Variants in RABEP1 observed in about 807,000 individuals in gnomAD.
RABEP1 encodes rab GTPase-binding effector protein 1.
Under a neutral mutation model 123.4 loss-of-function variants are expected in RABEP1, and 51 were observed. The ratio of observed to expected loss-of-function variants is 0.41; its 90% CI spans 0.33 to 0.52. The LOEUF is 0.52. RABEP1 is among the 20% of genes least tolerant of loss of function. The pLI, the probability that RABEP1 is intolerant of heterozygous loss-of-function variation, is 0.16. For missense variants in RABEP1, 888 were observed against 996.3 expected (o/e 0.89, Z 1.46); for synonymous variants, 347 against 355.2 (o/e 0.98, Z 0.26).
intron 3 of RABEP1, among the ~76,000 whole-genome samples, chr17:5,333,050 A>C (rs1906717084): frequency 6.6e-6 from 1 of 152,210 alleles, no homozygotes; most frequent in Non-Finnish European, 1.5e-5. Context: ...GTTTAGTCTC[A>C]GACTCCTTTT....
Position 5,380,450 on chromosome 17 carries a change from G to A in RABEP1, c.2358G>A (p.Glu786=). ...GTTTGGAAGAGCAGTTAAAGAAAGA[G>A]ACTGCTGCTAAGGTAGTGTTTTCAT... The part of the protein sequence containing the change: ...KISLEEQLKK[E]TAAKATVEQL... The change falls in exon 16 of 18, where the codon GAG becomes GAA. Residue 786 remains glutamate (E), a synonymous_variant. Coordinates refer to ENST00000537505, the MANE Select transcript of RABEP1 (RefSeq NM_004703.6). The A allele has an allele frequency of 6.5e-7, 1 of 1,546,542 alleles. No individual in the cohort carries two copies. The highest frequency in any genetic ancestry group is 8.8e-7 in the Non-Finnish European group (1 of 1,138,918).
rs199504288 is a variant in RABEP1 at position 5,380,378 on chromosome 17, A to T, written c.2286A>T (p.Leu762Phe). 7.6e-5 allele frequency: 119 copies of T among 1,567,904 alleles called. No homozygotes were observed. Among genetic ancestry groups the T allele is most frequent in the Non-Finnish European group, 9.4e-5 (109 of 1,154,864 alleles). The change falls in exon 16 of 18, where the codon TTA becomes TTT. Residue 762 changes from leucine (L) to phenylalanine (F), a missense_variant. Coordinates refer to ENST00000537505, the MANE Select transcript of RABEP1 (RefSeq NM_004703.6). ...CTTTTTCACAGTTGGAGTCCACATT[A>T]AGAGAGAAGTCTCAACAGCTTGAGA... The part of the protein sequence containing the change: ...KVEKGQLEST[L>F]REKSQQLESL...
At chr17:5,295,000 G>T (rs58002085) in intron 1 of RABEP1, among the ~76,000 whole-genome samples, 90,934 of 151,706 alleles carry the variant, frequency 0.6, 28,725 homozygotes, top group East Asian at 0.96. Flanking sequence ...AAAAAAAAAC[G>T]TAAAAATTTG....
At chr17:5,294,636 T>TG (rs2075064346) in intron 1 of RABEP1, among the ~76,000 whole-genome samples, 1 of 12,558 alleles carries the variant, frequency 8.0e-5, no homozygotes, top group Non-Finnish European at 1.2e-4. Context: ...GTATTGTCTT[T>TG]TTTTTTTTTT....
At chr17:5,380,563 C>A in intron 16 of RABEP1, 101 bp downstream of exon 16, 1 of 1,057,690 alleles carries the variant, frequency 9.5e-7, no homozygotes, top group Non-Finnish European at 1.4e-6. Context: ...TGAAGTGTCA[C>A]CTTTTAAAAA....
intron 1 of RABEP1, among the ~76,000 whole-genome samples, chr17:5,284,852 A>T (rs1027319828): frequency 1.8e-5 from 2 of 111,130 alleles, no homozygotes; most frequent in East Asian, 7.4e-4. Flanking sequence ...CCTGCTGATT[A>T]AAAAAAAAAA....
At chr17:5,295,848 T>A (rs978834696) in intron 1 of RABEP1, among the ~76,000 whole-genome samples, 2 of 152,194 alleles carry the variant, frequency 1.3e-5, no homozygotes, top group Admixed American at 1.3e-4. Flanking sequence ...GTTTGCCACA[T>A]CATTATTTTT....
chr17:5,296,863 C>T (rs1326932281), intron 1 of RABEP1, among the ~76,000 whole-genome samples: 2 of 152,186 alleles, frequency 1.3e-5, no homozygotes, highest in African/African-American at 4.8e-5. Context: ...CCTCAACCTT[C>T]TGAGCAGCTG....
At chr17:5,338,461 G>A (rs769500703) in intron 5 of RABEP1, among the ~76,000 whole-genome samples, 4 of 152,172 alleles carry the variant, frequency 2.6e-5, no homozygotes, top group Non-Finnish European at 4.4e-5. Flanking sequence ...TCCCAGCCTC[G>A]GGAGGCTGAG....
At position 5,365,031 on chromosome 17, in the gene RABEP1, G is replaced by T. The variant is rs1225250922; in HGVS notation, c.1669-91G>T. ...GTGTTTCCCAGAAAAAGACATAAGA[G>T]ATTTTTTTTTAAAATTCTGGAGTTA... On this transcript the variant is annotated intron_variant, in intron 10 of 17. Coordinates refer to ENST00000537505, the MANE Select transcript of RABEP1 (RefSeq NM_004703.6). 2.7e-5 allele frequency: 21 copies of T among 778,262 alleles called. No homozygotes were observed. The East Asian group carries it at 4.1e-4, about 15-fold the overall frequency. 48.2% of individuals were successfully genotyped at this position (778,262 alleles called of 1,614,324 possible). A position where few individuals can be genotyped will look rare whatever the true frequency, so the allele number is the denominator to read the frequency against.
chr17:5,326,521 T>C (rs1469834971), intron 2 of RABEP1, among the ~76,000 whole-genome samples: 1 of 152,170 alleles, frequency 6.6e-6, no homozygotes, highest in Non-Finnish European at 1.5e-5. Context: ...CAGAGAATTT[T>C]TAGAGCAGTG....
At chr17:5,373,904 C>T (rs1910756611) in intron 13 of RABEP1, among the ~76,000 whole-genome samples, 1 of 152,068 alleles carries the variant, frequency 6.6e-6, no homozygotes, top group South Asian at 2.1e-4. Flanking sequence ...TTCACGTAGC[C>T]TTAATGTTTT....
chr17:5,380,382 G>T lies in RABEP1; in HGVS notation c.2290G>T (p.Glu764Ter). 6.4e-7 allele frequency: 1 copy of T among 1,569,850 alleles called. No individual in the cohort carries two copies. The highest frequency in any genetic ancestry group is 1.2e-5 in the South Asian group (1 of 85,038). Residue 764 changes from glutamate (E) to a stop codon, truncating the protein, a stop_gained, in exon 16 of 18, where the codon GAG (glutamate) becomes TAG (stop). Transcript: ENST00000537505. LOFTEE classifies it high-confidence loss of function. ...EKGQLESTLR[E>*]KSQQLESLQE... Reference sequence around the variant, plus strand: ...TTCACAGTTGGAGTCCACATTAAGAGAGAAGTCTCAACAGCTTGAGAGTCT... The same window carrying T: ...TTCACAGTTGGAGTCCACATTAAGATAGAAGTCTCAACAGCTTGAGAGTCT...
At chr17:5,290,085 A>G (rs1597323967) in intron 1 of RABEP1, among the ~76,000 whole-genome samples, 1 of 152,110 alleles carries the variant, frequency 6.6e-6, no homozygotes, top group Non-Finnish European at 1.5e-5. Flanking sequence ...TTGTCTTTAT[A>G]GAAGTATTTA....
chr17:5,282,719 C>T (rs1294834429), intron 1 of RABEP1, among the ~76,000 whole-genome samples, 199 bp downstream of exon 1: 1 of 129,222 alleles, frequency 7.7e-6, no homozygotes, highest in African/African-American at 2.9e-5. Flanking sequence ...GGGGAGGGGG[C>T]GGGAGGCGCG....
At chr17:5,360,282 G>A (rs1040226855) in intron 8 of RABEP1, among the ~76,000 whole-genome samples, 1 of 152,262 alleles carries the variant, frequency 6.6e-6, no homozygotes, top group Admixed American at 6.5e-5. Flanking sequence ...ACATTCTTGG[G>A]CCGGGTGCGG....
chr17:5,282,973 C>G (rs1349914871), intron 1 of RABEP1, among the ~76,000 whole-genome samples: 1 of 152,054 alleles, frequency 6.6e-6, no homozygotes, highest in East Asian at 1.9e-4. Flanking sequence ...AGTTATGTGA[C>G]CTGAAAGTAG....
chr17:5,367,544 C>T (rs1254838472), intron 11 of RABEP1, among the ~76,000 whole-genome samples: 1 of 151,652 alleles, frequency 6.6e-6, no homozygotes, highest in African/African-American at 2.4e-5. Context: ...GCTAGGATTA[C>T]AGGCGTGAGT....
chr17:5,299,512 G>C (rs1245938586), intron 1 of RABEP1, among the ~76,000 whole-genome samples: 3 of 151,560 alleles, frequency 2.0e-5, no homozygotes, highest in Non-Finnish European at 4.4e-5. Flanking sequence ...GTACTGAGCG[G>C]TAAGCTAATG....
Sources: allele counts gnomAD v4.1 joint callset (sites outside exome capture counted in the v4.1 genomes callset), GRCh38; gene constraint gnomAD v4.1.1; transcripts MANE v1.5; gene names NCBI Gene and HGNC (gene_info 2026-07-23, HGNC 2026-07-21).